CACNA1D: variants seen among roughly 807,000 people sequenced by gnomAD.
The protein encoded by CACNA1D is calcium voltage-gated channel subunit alpha1 D.
In CACNA1D, 55 loss-of-function variants were observed where a neutral mutation model predicts 257.1. The ratio of observed to expected loss-of-function variants is 0.21; its 90% CI spans 0.17 to 0.27. The LOEUF (loss-of-function observed/expected upper bound fraction) is 0.27. Ranked by LOEUF, CACNA1D falls within the 10% of genes least tolerant of loss-of-function variation. The pLI is 1.00. For synonymous variants in CACNA1D, 980 were observed against 1,014.9 expected (o/e 0.97, Z 0.65); for missense variants, 1,876 against 2,784.0 (o/e 0.67, Z 7.34).
intron 3 of CACNA1D, among the ~76,000 whole-genome samples, chr3:53,574,430 A>T (rs140952242): frequency 2.2e-4 from 34 of 152,254 alleles, no homozygotes; most frequent in African/African-American, 7.9e-4. Context: ...ATGGCAGGGA[A>T]GTGTTTATTT....
At chr3:53,745,981 GC>G in intron 25 of CACNA1D, 106 bp downstream of exon 25, 1 of 837,784 alleles carries the variant, frequency 1.2e-6, no homozygotes, top group East Asian at 2.5e-5. Context: ...AATAAAATAG[GC>G]CTGTGTGCTC....
intron 8 of CACNA1D, among the ~76,000 whole-genome samples, chr3:53,680,878 T>G (rs981058867): frequency 2.6e-5 from 4 of 152,236 alleles, no homozygotes; most frequent in African/African-American, 9.6e-5. Flanking sequence ...TTTACAGAGA[T>G]CAAATATTGG....
At chr3:53,551,451 C>T (rs1344278147) in intron 3 of CACNA1D, among the ~76,000 whole-genome samples, 1 of 152,230 alleles carries the variant, frequency 6.6e-6, no homozygotes, top group Admixed American at 6.5e-5. Context: ...GGTACAGAAG[C>T]CTGGGTTGCT....
intron 3 of CACNA1D, among the ~76,000 whole-genome samples, chr3:53,620,076 T>C (rs1206777469): frequency 1.3e-5 from 2 of 152,168 alleles, no homozygotes; most frequent in African/African-American, 4.8e-5. Flanking sequence ...ACTAAAATAA[T>C]ACACTAAGTA....
At chr3:53,521,977 A>G (rs895974466) in intron 3 of CACNA1D, among the ~76,000 whole-genome samples, 1 of 151,462 alleles carries the variant, frequency 6.6e-6, no homozygotes. Flanking sequence ...AAAAAAAAAA[A>G]AGAAATTAGC....
intron 3 of CACNA1D, among the ~76,000 whole-genome samples, chr3:53,559,224 T>A (rs2092696669): frequency 6.6e-6 from 1 of 152,178 alleles, no homozygotes; most frequent in African/African-American, 2.4e-5. Flanking sequence ...TTGCTATCAT[T>A]CCATTTATTT....
chr3:53,677,434 T>A (rs1214397326), intron 8 of CACNA1D, among the ~76,000 whole-genome samples: 1 of 152,256 alleles, frequency 6.6e-6, no homozygotes, highest in African/African-American at 2.4e-5. Context: ...TTCAATCAGC[T>A]AATGACTGTA....
At chr3:53,629,213 A>T (rs1007243620) in intron 3 of CACNA1D, among the ~76,000 whole-genome samples, 1 of 152,232 alleles carries the variant, frequency 6.6e-6, no homozygotes, top group African/African-American at 2.4e-5. Context: ...CCCCTGGTTT[A>T]GTGAAAAGAA....
intron 3 of CACNA1D, among the ~76,000 whole-genome samples, chr3:53,509,025 T>C (rs968640749): frequency 6.6e-6 from 1 of 152,192 alleles, no homozygotes; most frequent in Non-Finnish European, 1.5e-5. Context: ...ATCCCCACCA[T>C]GCAGCTACAG....
intron 47 of CACNA1D, chr3:53,810,586 C>T (rs1342297240): frequency 1.1e-5 from 5 of 442,440 alleles, no homozygotes; most frequent in East Asian, 9.5e-5. Context: ...GGTGAAACCC[C>T]GTCTCTACTA....
At chr3:53,515,613 C>T (rs1487759857) in intron 3 of CACNA1D, among the ~76,000 whole-genome samples, 3 of 152,160 alleles carry the variant, frequency 2.0e-5, no homozygotes, top group African/African-American at 4.8e-5. Context: ...CACTGTGTTC[C>T]TCGTGTCATG....
intron 3 of CACNA1D, among the ~76,000 whole-genome samples, chr3:53,616,613 G>A (rs530474435): frequency 3.3e-5 from 5 of 152,152 alleles, no homozygotes; most frequent in Non-Finnish European, 5.9e-5. Flanking sequence ...GGCCTAGGAG[G>A]AAATGCACTA....
At chr3:53,717,871 C>T (rs2094836481) in intron 9 of CACNA1D, among the ~76,000 whole-genome samples, 1 of 152,200 alleles carries the variant, frequency 6.6e-6, no homozygotes, top group South Asian at 2.1e-4. Context: ...AGATGATTGA[C>T]TCATGAAATG....
chr3:53,767,895 G>C (rs746038579), intron 30 of CACNA1D, among the ~76,000 whole-genome samples: 1 of 152,194 alleles, frequency 6.6e-6, no homozygotes, highest in Admixed American at 6.5e-5. Flanking sequence ...TGTCGCAGGC[G>C]CACTGAGGGT....
chr3:53,722,498 T>A (rs2094892356), intron 12 of CACNA1D, 24 bp downstream of exon 12: 1 of 1,613,188 alleles, frequency 6.2e-7, no homozygotes, highest in Admixed American at 1.7e-5. Context: ...CCATTCCTTT[T>A]TTGTTCTGAA....
At chr3:53,796,254 A>C in intron 40 of CACNA1D, 1 of 448,156 alleles carries the variant, frequency 2.2e-6, no homozygotes, top group South Asian at 1.6e-5. Context: ...GCCTAGGCTG[A>C]GTGCAGCCTG....
chr3:53,663,777 G>GTCTCTCTCTCTC (rs541515346), intron 5 of CACNA1D, among the ~76,000 whole-genome samples: 5 of 149,476 alleles, frequency 3.3e-5, no homozygotes, highest in African/African-American at 1.2e-4. Context: ...GGAAATAATC[G>GTCTCTCTCTCTC]TCTCTCTCTC....
At chr3:53,577,260 C>A (rs1378483569) in intron 3 of CACNA1D, among the ~76,000 whole-genome samples, 1 of 152,124 alleles carries the variant, frequency 6.6e-6, no homozygotes, top group Non-Finnish European at 1.5e-5. Context: ...CAAGTGATAG[C>A]CCAATTTCAG....
In CACNA1D at chr3:53,763,046, C is replaced by T. The variant is rs148355010; in HGVS notation, c.3870+965C>T. 3.3e-3 allele frequency among the ~76,000 whole-genome samples: 510 copies of T among 152,286 alleles called. 5 individuals are homozygous for T. Among genetic ancestry groups the T allele is most frequent in the African/African-American group, 0.011 (468 of 41,548 alleles). On this transcript the variant is annotated intron_variant, in intron 30 of 47. Transcript: ENST00000350061. The stretch of plus-strand genomic sequence containing the variant: ...CGTCCCCGCAATGGTTCTGTGAGGG[C>T]ACAGGCAGGAGACCCCACAGCCAGC...
Sources: allele counts gnomAD v4.1 joint callset (sites outside exome capture counted in the v4.1 genomes callset), GRCh38; gene constraint gnomAD v4.1.1; transcripts MANE v1.5; gene names NCBI Gene and HGNC (gene_info 2026-07-23, HGNC 2026-07-21).